PCNX2: variants seen among roughly 807,000 people sequenced by gnomAD.
The protein encoded by PCNX2 is pecanex 2.
PCNX2 carries 168 observed loss-of-function variants against 223.8 expected under a neutral mutation model. That is an observed-to-expected ratio of 0.75 (90% confidence interval 0.66 to 0.85). The LOEUF (loss-of-function observed/expected upper bound fraction) is 0.85. Among genes scored for constraint, PCNX2 ranks in the 40% least tolerant of loss-of-function variants. The pLI is 0.00. For missense variants in PCNX2, 2,507 were observed against 2,675.5 expected (o/e 0.94, Z 1.39); for synonymous variants, 1,006 against 1,052.6 (o/e 0.96, Z 0.86).
chr1:232,999,235 G>A lies in PCNX2; in HGVS notation c.5473C>T (p.Leu1825=), dbSNP rs749680486. 2.5e-6 allele frequency: 4 copies of A among 1,613,846 alleles called. No individual in the cohort carries two copies. In the Admixed American group the frequency reaches 6.7e-5, roughly 27 times the overall value. Residue 1825 remains leucine, a synonymous_variant, in exon 31 of 34, where the codon CTG becomes TTG. Transcript: ENST00000258229. ...GGGGAGACATACATGGGGTACCCCA[G>A]GGGCTGATCGCAGGAGGAGTTAATC... ...NLINSSCDQP[L]GYPMYVSPLT...
In PCNX2 at chr1:233,078,623, C is replaced by T. The variant is rs558078054; in HGVS notation, c.4076+11438G>A. On this transcript the variant is annotated intron_variant, in intron 23 of 33. Transcript: ENST00000258229. ...CTGAATCACTCACAAAGCCTCGCTC[C>T]TGGGTGACCTTGAAGCATCAGCAGC... is the stretch of plus-strand genomic sequence containing the variant. Among the ~76,000 whole-genome samples, 3 of 152,318 alleles carry T rather than the reference C, an allele frequency of 2.0e-5. No individual in the cohort carries two copies. In the South Asian group the frequency reaches 6.2e-4, roughly 32 times the overall value.
In PCNX2 at chr1:232,986,412, G is replaced by A. The variant is rs1669485787; in HGVS notation, c.5920C>T (p.His1974Tyr). Residue 1974 changes from histidine (H) to tyrosine (Y), a missense_variant, in exon 33 of 34, where the codon CAC becomes TAC. By Grantham distance (83) the His-to-Tyr change is moderately conservative. This residue lies in a region of PCNX2 where 1,372 missense variants were observed against 1,509.4 expected (regional missense o/e 0.91). Coordinates refer to ENST00000258229, the MANE Select transcript of PCNX2 (RefSeq NM_014801.4). ...CCCGAGAGCCTCTGGGCCAGCTCGT[G>A]CACTGAGGTGGACGTCTGGAGGAAT... ...QTFLQTSTSV[H>Y]ELAQRLSGSR... 3 of 1,605,934 alleles carry A rather than the reference G, an allele frequency of 1.9e-6. No individual in the cohort carries two copies. Among genetic ancestry groups the A allele is most frequent in the Non-Finnish European group, 2.6e-6 (3 of 1,176,348 alleles).
chr1:233,285,532 G>A (rs569953811), intron 1 of PCNX2, among the ~76,000 whole-genome samples: 17 of 146,144 alleles, frequency 1.2e-4, no homozygotes, highest in African/African-American at 2.0e-4. Context: ...AAAATTAGCC[G>A]GGCGTGGTGG....
chr1:233,211,098 G>A (rs1323389021), intron 12 of PCNX2, among the ~76,000 whole-genome samples: 1 of 152,200 alleles, frequency 6.6e-6, no homozygotes, highest in Non-Finnish European at 1.5e-5. Flanking sequence ...TTGTTGTGAA[G>A]TGGGGAGAAA....
In PCNX2 at chr1:233,261,305, T is replaced by C. The variant is rs1470465689; in HGVS notation, c.497A>G (p.Glu166Gly). 3 of 1,612,722 alleles carry C rather than the reference T, an allele frequency of 1.9e-6. No individual in the cohort carries two copies. The highest frequency in any genetic ancestry group is 3.3e-5 in the Admixed American group (2 of 59,988). ...TTTACCTTTGAGATCTTCTACAGTTTCCTGTGCTGACAACTCCTACACAAA... is the reference window on the plus strand; with the variant it reads ...TTTACCTTTGAGATCTTCTACAGTTCCCTGTGCTGACAACTCCTACACAAA... ...SSGPLELSAQ[E>G]TVEDLKGVIL... is the part of the protein sequence containing the mutation. The change falls in exon 4 of 34, where the codon GAA becomes GGA. Residue 166 changes from glutamate (E) to glycine (G), a missense_variant. By Grantham distance (98) the Glu-to-Gly change is moderately conservative (BLOSUM62 -2). Transcript: ENST00000258229.
Position 233,248,192 on chromosome 1 carries a change from C to G in PCNX2, c.2222+2547G>C, listed in dbSNP as rs116665526. Reference sequence around the variant, plus strand: ...AATTCAGTTGCCTTTTCACCAGAAACAGAGTCCTCGGGGTCACCTGTTGAT... The same window carrying G: ...AATTCAGTTGCCTTTTCACCAGAAAGAGAGTCCTCGGGGTCACCTGTTGAT... On this transcript the variant is annotated intron_variant, in intron 8 of 33. Coordinates refer to ENST00000258229, the MANE Select transcript of PCNX2 (RefSeq NM_014801.4). Among the ~76,000 whole-genome samples the G allele has an allele frequency of 2.3e-3, 349 of 152,234 alleles. 3 individuals carry two copies. The highest frequency in any genetic ancestry group is 7.8e-3 in the African/African-American group (324 of 41,544).
chr1:233,283,364 G>A (rs1661285084), intron 1 of PCNX2, among the ~76,000 whole-genome samples: 1 of 152,198 alleles, frequency 6.6e-6, no homozygotes, highest in South Asian at 2.1e-4. Flanking sequence ...AACTACTGCA[G>A]CTCTAGATTT....
intron 19 of PCNX2, among the ~76,000 whole-genome samples, chr1:233,153,481 G>A (rs1237660855): frequency 1.3e-5 from 2 of 152,122 alleles, no homozygotes; most frequent in African/African-American, 4.8e-5. Context: ...CTATACTACT[G>A]GACTCAGAGG....
intron 9 of PCNX2, among the ~76,000 whole-genome samples, chr1:233,230,013 GT>G (rs1188294030): frequency 3.9e-5 from 6 of 152,112 alleles, no homozygotes; most frequent in Non-Finnish European, 1.5e-5. Flanking sequence ...TATCATTCAT[GT>G]TTTCACTCAT....
In PCNX2 at chr1:232,999,090, G is replaced by A; in HGVS notation, c.5603+15C>T. 6.3e-7 allele frequency: 1 copy of A among 1,589,082 alleles called. No individual in the cohort carries two copies. ...CCCCAGCATCTGGACAGAGGCATTT[G>A]TTGTAAAAACTTACCTTACCCACTT... On this transcript the variant is annotated intron_variant, in intron 31 of 33. Transcript: ENST00000258229.
rs999281437 is a variant in PCNX2 at position 232,984,051 on chromosome 1, C to T, written c.*253G>A. On this transcript the variant is annotated 3_prime_UTR_variant, in exon 34 of 34. Coordinates refer to ENST00000258229, the MANE Select transcript of PCNX2 (RefSeq NM_014801.4). ...TGGCCAGGGAGGTGTGGTGTGGCTT[C>T]TTTGTTGCTTTTTTTTGTTTCCCCA... The T allele has an allele frequency of 3.0e-6, 1 of 335,044 alleles. No homozygotes were observed. Among genetic ancestry groups the T allele is most frequent in the Non-Finnish European group, 5.1e-6 (1 of 197,300 alleles). 20.8% of individuals were successfully genotyped at this position (335,044 alleles called of 1,614,324 possible). A position where few individuals can be genotyped will look rare whatever the true frequency, so the allele number is the denominator to read the frequency against.
In PCNX2 at chr1:233,236,710, G is replaced by A. The variant is rs41307738; in HGVS notation, c.2358+135C>T. 9.3e-3 allele frequency: 11,804 copies of A among 1,272,104 alleles called. 89 individuals carry two copies. The highest frequency in any genetic ancestry group is 0.02 in the South Asian group (1,420 of 69,658). 78.8% of individuals were successfully genotyped at this position (1,272,104 alleles called of 1,614,324 possible). ...TTCAGTCAGTAGACTGCCTTGCAGT[G>A]ATATATCAACAACCCGTGATGCAAA... is the stretch of plus-strand genomic sequence containing the variant. On this transcript the variant is annotated intron_variant, in intron 9 of 33. Transcript: ENST00000258229.
At chr1:233,325,502 C>CAAAAAAAAAAAA in the PCNX2 span, among the ~76,000 whole-genome samples, 2 of 138,142 alleles carry the variant, frequency 1.4e-5, no homozygotes, top group South Asian at 2.3e-4. Context: ...ACTAAAAATA[C>CAAAAAAAAAAAA]AAAAAAAAAA....
chr1:233,242,659 C>CT (rs1392183374), intron 8 of PCNX2, among the ~76,000 whole-genome samples: 2 of 152,178 alleles, frequency 1.3e-5, no homozygotes, highest in Non-Finnish European at 2.9e-5. Flanking sequence ...AACTATCAAG[C>CT]TTTAATTACA....
intron 20 of PCNX2, among the ~76,000 whole-genome samples, chr1:233,138,649 C>A (rs1479757352): frequency 6.6e-6 from 1 of 152,164 alleles, no homozygotes; most frequent in African/African-American, 2.4e-5. Context: ...GAAGTCCAAT[C>A]ATCTGCTTTT....
At position 233,258,344 on chromosome 1, in the gene PCNX2, CA is replaced by C; in HGVS notation, c.1517del (p.Val506GlyfsTer36). 1 of 1,614,030 alleles carries C rather than the reference CA, an allele frequency of 6.2e-7. No homozygotes were observed. Among genetic ancestry groups the C allele is most frequent in the Non-Finnish European group, 8.5e-7 (1 of 1,179,902 alleles). On this transcript the variant is annotated frameshift_variant, in exon 5 of 34. Transcript: ENST00000258229. LOFTEE classifies it high-confidence loss of function. The part of the protein sequence containing the change: ...LTPDTGSESK[V>X]GKEGQTNLDP... ...CAAGGTTAGTCTGGCCTTCCTTCCC[CA>C]CCTTAGACTCGGAGCCTGTATCAGG...
intron 21 of PCNX2, among the ~76,000 whole-genome samples, chr1:233,098,798 C>T (rs67687360): frequency 3.3e-5 from 5 of 152,014 alleles, no homozygotes; most frequent in African/African-American, 1.2e-4. Context: ...TTGAATCCCA[C>T]CTCTACCTCT....
At chr1:233,205,888 T>C (rs1020390392) in intron 13 of PCNX2, among the ~76,000 whole-genome samples, 8 of 152,166 alleles carry the variant, frequency 5.3e-5, no homozygotes, top group African/African-American at 1.7e-4. Context: ...ATTATTTTGA[T>C]ATTACAAGTG....
chr1:233,319,751 A>G, the PCNX2 span, among the ~76,000 whole-genome samples: 1 of 152,248 alleles, frequency 6.6e-6, no homozygotes, highest in East Asian at 1.9e-4. Context: ...AAAAATTATT[A>G]AAAACCTCAA....
Sources: allele counts gnomAD v4.1 joint callset (sites outside exome capture counted in the v4.1 genomes callset), GRCh38; gene constraint gnomAD v4.1.1; regional missense constraint gnomAD v4.1.1; transcripts MANE v1.5; gene names NCBI Gene and HGNC (gene_info 2026-07-23, HGNC 2026-07-21).